The following BCAS3 variants were observed in gnomAD, a reference collection of about 807,000 sequenced individuals.
The protein encoded by BCAS3 is BCAS3 microtubule associated cell migration factor.
Under a neutral mutation model 116.1 loss-of-function variants are expected in BCAS3, and 53 were observed. The ratio of observed to expected loss-of-function variants is 0.46; its 90% CI spans 0.37 to 0.57. BCAS3 has a LOEUF of 0.57. Among genes scored for constraint, BCAS3 ranks in the 20% least tolerant of loss-of-function variants. The probability of loss-of-function intolerance (pLI) is 0.00; values close to 1 mark genes in which losing one functional copy is unlikely to be tolerated. For synonymous variants in BCAS3, 391 were observed against 408.2 expected, an observed-to-expected ratio of 0.96 and a Z score of 0.51; for missense variants, 917 against 1,165.4, an observed-to-expected ratio of 0.79 and a Z score of 3.10.
chr17:60,830,268 C>T (rs745980142), intron 7 of BCAS3, among the ~76,000 whole-genome samples: 12 of 152,276 alleles, frequency 7.9e-5, no homozygotes, highest in South Asian at 2.1e-4. Flanking sequence ...GGATTATAGG[C>T]GTGAGCCACT....
In BCAS3 at chr17:61,013,117, A is replaced by G. The variant is rs1184827786; in HGVS notation, c.1487-2634A>G. Reference sequence around the variant, plus strand: ...GTCCAATTTTCAAAATCTAGATCATATCCCATTTGCCCTTTTCCTTGAGCC... The same window carrying G: ...GTCCAATTTTCAAAATCTAGATCATGTCCCATTTGCCCTTTTCCTTGAGCC... On this transcript the variant is annotated intron_variant, in intron 15 of 23. Transcript: ENST00000407086. This position sits in a 1 kb window ranked among gnomAD's most constrained non-coding sequence, Gnocchi z 4.4. Among the ~76,000 whole-genome samples the G allele has an allele frequency of 6.6e-6, 1 of 151,966 alleles. No individual in the cohort carries two copies. Among genetic ancestry groups the G allele is most frequent in the African/African-American group, 2.4e-5 (1 of 41,410 alleles).
At chr17:60,723,721 T>C (rs1402751425) in intron 5 of BCAS3, among the ~76,000 whole-genome samples, 5 of 127,664 alleles carry the variant, frequency 3.9e-5, no homozygotes, top group South Asian at 2.6e-4. Context: ...CTTTTTTTTT[T>C]TTTTTTTTTT....
chr17:60,923,503 G>A (rs2059211687), intron 12 of BCAS3, among the ~76,000 whole-genome samples: 1 of 152,104 alleles, frequency 6.6e-6, no homozygotes, highest in African/African-American at 2.4e-5. Context: ...TGAGCTCTAA[G>A]CAGAGTATTT....
chr17:60,939,614 T>G (rs998367066), intron 13 of BCAS3, among the ~76,000 whole-genome samples: 1 of 152,206 alleles, frequency 6.6e-6, no homozygotes, highest in African/African-American at 2.4e-5. Context: ...ACAGGCAGTA[T>G]TCATCCCGCA....
At chr17:61,176,565 TTATG>T (rs1223627912) in intron 22 of BCAS3, among the ~76,000 whole-genome samples, 1 of 145,164 alleles carries the variant, frequency 6.9e-6, no homozygotes, top group Non-Finnish European at 1.5e-5. Context: ...ATTTATTTAT[TTATG>T]TATTTAGAGA....
At chr17:60,796,909 T>C (rs2144568036) in intron 6 of BCAS3, among the ~76,000 whole-genome samples, 1 of 152,244 alleles carries the variant, frequency 6.6e-6, no homozygotes, top group South Asian at 2.1e-4. Flanking sequence ...GTTTTTGTTT[T>C]TATTTTACTT....
intron 7 of BCAS3, among the ~76,000 whole-genome samples, chr17:60,809,626 A>G (rs537668159): frequency 2.0e-5 from 3 of 152,350 alleles, no homozygotes; most frequent in Non-Finnish European, 2.9e-5. Context: ...TATGCCTGCC[A>G]GCATTATCTG....
rs531562696 is a variant in BCAS3, at chr17:61,050,025, G to C, written c.2029+9133G>C. Reference sequence around the variant, plus strand: ...TGGGATTACAGGCGTGAGCCACTGCGCCCAGCCAGCAGATATCTTTGAAGT... The same window carrying C: ...TGGGATTACAGGCGTGAGCCACTGCCCCCAGCCAGCAGATATCTTTGAAGT... On this transcript the variant is annotated intron_variant, in intron 19 of 23. Coordinates refer to ENST00000407086, the MANE Select transcript of BCAS3 (RefSeq NM_017679.5). Among the ~76,000 whole-genome samples the C allele has an allele frequency of 2.6e-5, 4 of 152,012 alleles. No homozygotes were observed. In the South Asian group the frequency reaches 8.3e-4, roughly 32 times the overall value.
rs2075967252 is a variant in BCAS3, at chr17:61,124,713, A to G, written c.2425+40149A>G. ...AAAATGGTTATAGTTCATTTTCCAT[A>G]TATTACTCAGCATTATGGGTCTGCC... On this transcript the variant is annotated intron_variant, in intron 22 of 23. Transcript: ENST00000407086. This position sits in a 1 kb window ranked among gnomAD's most constrained non-coding sequence, Gnocchi z 4.6. Among the ~76,000 whole-genome samples the G allele has an allele frequency of 1.3e-5, 2 of 152,162 alleles. No individual in the cohort carries two copies. Among genetic ancestry groups the G allele is most frequent in the Admixed American group, 1.3e-4 (2 of 15,270 alleles).
At position 61,337,171 on chromosome 17, in the gene BCAS3, A is replaced by G. The variant is rs2092709661; in HGVS notation, c.2426-31156A>G. On this transcript the variant is annotated intron_variant, in intron 22 of 23. Coordinates refer to ENST00000407086, the MANE Select transcript of BCAS3 (RefSeq NM_017679.5). The surrounding 1 kb of genome is among the most constrained non-coding windows in gnomAD (Gnocchi z 4.8). ...AACTCCAAGCCTGATATTTCTGCCC[A>G]GGCTCCCTTTTTTATACTTTATTTA... 6.6e-6 allele frequency among the ~76,000 whole-genome samples: 1 copy of G among 152,144 alleles called. No individual in the cohort carries two copies. Among genetic ancestry groups the G allele is most frequent in the African/African-American group, 2.4e-5 (1 of 41,428 alleles).
intron 6 of BCAS3, among the ~76,000 whole-genome samples, chr17:60,755,419 T>C (rs2144315151): frequency 6.6e-6 from 1 of 152,286 alleles, no homozygotes; most frequent in East Asian, 1.9e-4. Context: ...CTCAAAGAAA[T>C]TGACGGTTGG....
At chr17:60,920,441 C>A (rs913373243) in intron 12 of BCAS3, among the ~76,000 whole-genome samples, 5 of 152,216 alleles carry the variant, frequency 3.3e-5, no homozygotes, top group African/African-American at 1.2e-4. Context: ...GACACACATA[C>A]ACTTCTTAAA....
At position 61,008,273 on chromosome 17, in the gene BCAS3, C is replaced by G. The variant is rs912838917; in HGVS notation, c.1487-7478C>G. ...GAGGGTGAAAGTCCTGGAACTGCAG[C>G]TGGGAAGCTTGACATTCTCATCTAG... On this transcript the variant is annotated intron_variant, in intron 15 of 23. Transcript: ENST00000407086. This position sits in a 1 kb window ranked among gnomAD's most constrained non-coding sequence, Gnocchi z 4.6. Among the ~76,000 whole-genome samples, 13 of 152,060 alleles carry G rather than the reference C, an allele frequency of 8.5e-5. No individual in the cohort carries two copies. Among genetic ancestry groups the G allele is most frequent in the Admixed American group, 6.6e-4 (10 of 15,246 alleles).
chr17:61,296,011 C>T (rs2144722311), intron 22 of BCAS3, among the ~76,000 whole-genome samples: 1 of 150,990 alleles, frequency 6.6e-6, no homozygotes, highest in East Asian at 1.9e-4. Context: ...TTCAACACAA[C>T]AGTTGCTTAG....
intron 5 of BCAS3, among the ~76,000 whole-genome samples, chr17:60,711,057 C>G (rs1311254685): frequency 6.6e-6 from 1 of 151,974 alleles, no homozygotes; most frequent in Admixed American, 6.6e-5. Context: ...CCTACTTGGC[C>G]TCCTAAAGTG....
chr17:60,957,724 A>G (rs2061213779), intron 14 of BCAS3, among the ~76,000 whole-genome samples: 1 of 152,140 alleles, frequency 6.6e-6, no homozygotes, highest in African/African-American at 2.4e-5. Flanking sequence ...CTGATTAGTA[A>G]TTATATAACT....
In BCAS3 at chr17:61,336,981, C is replaced by T. The variant is rs531472325; in HGVS notation, c.2426-31346C>T. ...TACAAAAATTAGCCAGGCTTGGTGG[C>T]ACGTGCCTGTAATCCCAGCTACTCA... On this transcript the variant is annotated intron_variant, in intron 22 of 23. Coordinates refer to ENST00000407086, the MANE Select transcript of BCAS3 (RefSeq NM_017679.5). Among the ~76,000 whole-genome samples, 15 of 152,184 alleles carry T rather than the reference C, an allele frequency of 9.9e-5. No individual in the cohort carries two copies. The East Asian group carries it at 2.9e-3, about 30-fold the overall frequency.
At chr17:61,000,412 A>G (rs1337757807) in intron 15 of BCAS3, among the ~76,000 whole-genome samples, 1 of 152,092 alleles carries the variant, frequency 6.6e-6, no homozygotes, top group African/African-American at 2.4e-5. Flanking sequence ...TGATTTCCTA[A>G]CTCTGTAATC....
Position 61,124,731 on chromosome 17 carries a change from G to T in BCAS3, c.2425+40167G>T, listed in dbSNP as rs772712677. Reference sequence around the variant, plus strand: ...TTTCCATATATTACTCAGCATTATGGGTCTGCCTGCCAAGTGATCCCAGGT... The same window carrying T: ...TTTCCATATATTACTCAGCATTATGTGTCTGCCTGCCAAGTGATCCCAGGT... On this transcript the variant is annotated intron_variant, in intron 22 of 23. Transcript: ENST00000407086. The surrounding 1 kb of genome is among the most constrained non-coding windows in gnomAD (Gnocchi z 4.6). Among the ~76,000 whole-genome samples, 2 of 152,092 alleles carry T rather than the reference G, an allele frequency of 1.3e-5. No homozygotes were observed. The highest frequency in any genetic ancestry group is 2.4e-5 in the African/African-American group (1 of 41,406).
Sources: gnomAD v4.1 joint callset for allele counts (sites outside exome capture counted in the v4.1 genomes callset) on GRCh38, gnomAD v4.1.1 for gene constraint, Gnocchi (gnomAD v3.1) non-coding constraint, MANE v1.5 for transcripts, NCBI Gene and HGNC (gene_info 2026-07-23, HGNC 2026-07-21) for gene names.